The following KRT6B variants were observed in gnomAD, a reference collection of about 807,000 sequenced individuals.
KRT6B encodes keratin, type II cytoskeletal 6B.
A neutral mutation model predicts 44.7 loss-of-function variants in KRT6B; 29 were observed. The ratio of observed to expected loss-of-function variants is 0.65; its 90% CI spans 0.48 to 0.88. KRT6B has a LOEUF of 0.88. Ranked by LOEUF, KRT6B falls within the 40% of genes least tolerant of loss-of-function variation. The probability of loss-of-function intolerance (pLI) is 0.00; values close to 1 mark genes in which losing one functional copy is unlikely to be tolerated. For missense variants in KRT6B, 600 were observed against 724.0 expected, an observed-to-expected ratio of 0.83 and a Z score of 1.97; for synonymous variants, 213 against 296.0, an observed-to-expected ratio of 0.72 and a Z score of 2.88.
chr12:52,451,928 A>T lies in KRT6B; in HGVS notation c.151T>A (p.Cys51Ser). The change falls in exon 1 of 9, where the codon TGT becomes AGT. Residue 51 changes from cysteine to serine, a missense_variant. Transcript: ENST00000252252. Reference protein sequence around the residue: ...SRGSGGLGGACGGAGFGSRSL... With the variant: ...SRGSGGLGGASGGAGFGSRSL... The stretch of plus-strand genomic sequence containing the variant: ...CGGCTGCCAAAGCCAGCTCCTCCAC[A>T]TGCGCCACCCAGGCCACCACTGCCC... 2 of 1,613,094 alleles carry T rather than the reference A, an allele frequency of 1.2e-6. No individual in the cohort carries two copies. Among genetic ancestry groups the T allele is most frequent in the Non-Finnish European group, 1.7e-6 (2 of 1,179,974 alleles).
At position 52,448,889 on chromosome 12, in the gene KRT6B, G is replaced by C; in HGVS notation, c.1156C>G (p.Arg386Gly). The C allele has an allele frequency of 1.2e-6, 2 of 1,613,956 alleles. No individual in the cohort carries two copies. Among genetic ancestry groups the C allele is most frequent in the Non-Finnish European group, 1.7e-6 (2 of 1,180,016 alleles). Reference sequence around the variant, plus strand: ...TCAGATCTCAGCCTCTGGATCATGCGGTTGATCTCAGCAATCTCCTGCTTG... The same window carrying C: ...TCAGATCTCAGCCTCTGGATCATGCCGTTGATCTCAGCAATCTCCTGCTTG... ...NTKQEIAEINRMIQRLRSEID... is the reference protein window; with the variant it reads ...NTKQEIAEINGMIQRLRSEID... The change falls in exon 6 of 9, where the codon CGC becomes GGC. Residue 386 changes from arginine to glycine, a missense_variant. Physicochemically the swap from Arg to Gly is moderately radical, Grantham distance 125. Around this residue, in one of 4 missense-constraint regions of KRT6B, gnomAD observed 479 missense variants for 454.2 expected, o/e 1.05. Coordinates refer to ENST00000252252, the MANE Select transcript of KRT6B (RefSeq NM_005555.4).
Position 52,449,795 on chromosome 12 carries a change from G to A in KRT6B, c.875C>T (p.Thr292Ile), listed in dbSNP as rs1411996932. 9.9e-6 allele frequency: 16 copies of A among 1,613,904 alleles called. No homozygotes were observed. The highest frequency in any genetic ancestry group is 6.7e-5 in the Admixed American group (4 of 59,998). ...GGCTCTCAGGAAGTTGATCTCATCTGTAAGAGTGTCTGCCTTGGCTTGCAG... is the reference window on the plus strand; with the variant it reads ...GGCTCTCAGGAAGTTGATCTCATCTATAAGAGTGTCTGCCTTGGCTTGCAG... ...VELQAKADTL[T>I]DEINFLRALY... The change falls in exon 4 of 9, where the codon ACA becomes ATA. Residue 292 changes from threonine (T) to isoleucine (I), a missense_variant. Coordinates refer to ENST00000252252, the MANE Select transcript of KRT6B (RefSeq NM_005555.4).
intron 5 of KRT6B, 60 bp downstream of exon 5, chr12:52,449,409 T>C (rs917279294): frequency 6.2e-7 from 1 of 1,613,116 alleles, no homozygotes; most frequent in South Asian, 1.1e-5. Context: ...AAGTCTGCAG[T>C]CCTCTGGTAT....
At chr12:52,450,232 T>C (rs4024141) in intron 2 of KRT6B, among the ~76,000 whole-genome samples, 160 bp from the exon 3 acceptor site, 42,527 of 130,300 alleles carry the variant, frequency 0.33, 6,953 homozygotes, top group East Asian at 0.55. Context: ...AAATTTGCCA[T>C]TTCTTTAATC....
At chr12:52,448,704 T>G in intron 6 of KRT6B, 138 bp downstream of exon 6, 16 of 1,418,094 alleles carry the variant, frequency 1.1e-5, no homozygotes, top group Non-Finnish European at 1.5e-5. Flanking sequence ...GTGTTCTCAC[T>G]GAGCCTAGGA....
intron 7 of KRT6B, 89 bp downstream of exon 7, chr12:52,447,689 G>A: frequency 1.2e-6 from 2 of 1,613,872 alleles, no homozygotes; most frequent in South Asian, 2.2e-5. Context: ...AGCAATTATG[G>A]CCTTGGGCAG....
rs1940400202 is a variant in KRT6B at position 52,451,387 on chromosome 12, T to C, written c.540+152A>G. The C allele has an allele frequency of 3.3e-6, 4 of 1,211,362 alleles. No homozygotes were observed. In the East Asian group the frequency reaches 9.4e-5, roughly 29 times the overall value. 75.0% of individuals were successfully genotyped at this position (1,211,362 alleles called of 1,614,324 possible). A position where few individuals can be genotyped will look rare whatever the true frequency, so the allele number is the denominator to read the frequency against. ...ATGGGGGAGTGATGCCCATCTGTGCTGCCTCCTGTGCACCGAGAGCCACCT... is the reference window on the plus strand; with the variant it reads ...ATGGGGGAGTGATGCCCATCTGTGCCGCCTCCTGTGCACCGAGAGCCACCT... On this transcript the variant is annotated intron_variant, in intron 1 of 8. Coordinates refer to ENST00000252252, the MANE Select transcript of KRT6B (RefSeq NM_005555.4).
In KRT6B at chr12:52,451,904, G is replaced by T. The variant is rs370887221; in HGVS notation, c.175C>A (p.Arg59Ser). ...GACGGAGFGS[R>S]SLYGLGGSKR... is the part of the protein sequence containing the mutation. ...GAGCCCCCCAGGCCATACAGACTGC[G>T]GCTGCCAAAGCCAGCTCCTCCACAT... The change falls in exon 1 of 9, where the codon CGC (arginine) becomes AGC (serine). Residue 59 changes from arginine to serine, a missense_variant. Coordinates refer to ENST00000252252, the MANE Select transcript of KRT6B (RefSeq NM_005555.4). 4.3e-6 allele frequency: 7 copies of T among 1,612,530 alleles called. No individual in the cohort carries two copies. The highest frequency in any genetic ancestry group is 2.2e-5 in the South Asian group (2 of 91,008).
chr12:52,449,683 G>A lies in KRT6B; in HGVS notation c.913-50C>T, dbSNP rs1454996069. ...CAACTTCACTTCTGACATTTACAGA[G>A]ATGCCCAGCCCTGTACATCTTCTCC... On this transcript the variant is annotated intron_variant, in intron 4 of 8. Coordinates refer to ENST00000252252, the MANE Select transcript of KRT6B (RefSeq NM_005555.4). 3 of 1,614,086 alleles carry A rather than the reference G, an allele frequency of 1.9e-6. No homozygotes were observed. The Admixed American group carries it at 5.0e-5, about 27-fold the overall frequency.
At position 52,447,999 on chromosome 12, in the gene KRT6B, C is replaced by G; in HGVS notation, c.1204-1G>C. The G allele has an allele frequency of 6.2e-7, 1 of 1,614,128 alleles. No homozygotes were observed. The highest frequency in any genetic ancestry group is 8.5e-7 in the Non-Finnish European group (1 of 1,180,002). On this transcript the variant is annotated splice_acceptor_variant, in intron 6 of 8. Coordinates refer to ENST00000252252, the MANE Select transcript of KRT6B (RefSeq NM_005555.4). LOFTEE classifies it high-confidence loss of function. The stretch of plus-strand genomic sequence containing the variant: ...CAATGGCGGCCTGTAGGTTGGCACA[C>G]TAGGAGGGCAAAGGAAGAGAAAGAA...
At position 52,450,611 on chromosome 12, in the gene KRT6B, G is replaced by A. The variant is rs779322800; in HGVS notation, c.550C>T (p.Leu184=). Reference sequence around the variant, plus strand: ...TCCAGAACCTTGTTCTGCTGCTCTAGGAACCGCACCTGGAGGGGAAGCAAA... The same window carrying A: ...TCCAGAACCTTGTTCTGCTGCTCTAAGAACCGCACCTGGAGGGGAAGCAAA... ...FASFIDKVRF[L]EQQNKVLDTK... is the part of the protein sequence containing the mutation. Residue 184 remains leucine, a synonymous_variant, in exon 2 of 9, where the codon CTA becomes TTA. Coordinates refer to ENST00000252252, the MANE Select transcript of KRT6B (RefSeq NM_005555.4). The A allele has an allele frequency of 7.0e-5, 113 of 1,614,014 alleles. No individual in the cohort carries two copies. Among genetic ancestry groups the A allele is most frequent in the Non-Finnish European group, 9.0e-5 (106 of 1,179,990 alleles).
rs1375921291 is a variant in KRT6B at position 52,446,791 on chromosome 12, C to G, written c.*399G>C. On this transcript the variant is annotated 3_prime_UTR_variant, in exon 9 of 9. Transcript: ENST00000252252. Reference sequence around the variant, plus strand: ...TGCAAGAGAAGATCAGGACAACTGACTTGTCAGATGAGAACTCCTGAGTGT... The same window carrying G: ...TGCAAGAGAAGATCAGGACAACTGAGTTGTCAGATGAGAACTCCTGAGTGT... 2 of 270,312 alleles carry G rather than the reference C, an allele frequency of 7.4e-6. No homozygotes were observed. Among genetic ancestry groups the G allele is most frequent in the African/African-American group, 4.4e-5 (2 of 45,834 alleles). 16.7% of individuals were successfully genotyped at this position (270,312 alleles called of 1,614,324 possible).
rs375618757 is a variant in KRT6B at position 52,449,461 on chromosome 12, G to A, written c.1077+8C>T. The stretch of plus-strand genomic sequence containing the variant: ...GGATTCCTCAGCGGCTGTCCACTCC[G>A]TGCTCACCTTTGTCTGGTACCAGGA... On this transcript the variant is annotated splice_region_variant and intron_variant, in intron 5 of 8. Transcript: ENST00000252252. 4.0e-5 allele frequency: 65 copies of A among 1,614,156 alleles called. No individual in the cohort carries two copies. Among genetic ancestry groups the A allele is most frequent in the East Asian group, 2.9e-4 (13 of 44,876 alleles).
At chr12:52,449,022 G>A (rs1940355847) in intron 5 of KRT6B, 55 bp from the exon 6 acceptor site, 52 of 1,587,822 alleles carry the variant, frequency 3.3e-5, no homozygotes, top group Non-Finnish European at 3.9e-5. Context: ...ACCTGGGAGC[G>A]ATGACTTTCA....
intron 6 of KRT6B, 133 bp from the exon 7 acceptor site, chr12:52,448,131 T>C (rs2121514107): frequency 1.7e-6 from 2 of 1,209,508 alleles, no homozygotes; most frequent in Admixed American, 2.0e-5. Context: ...ACTCTTCCTG[T>C]CTAGCCTTTT....
Position 52,450,436 on chromosome 12 carries a change from A to G in KRT6B, c.725T>C (p.Met242Thr). 3 of 1,614,192 alleles carry G rather than the reference A, an allele frequency of 1.9e-6. No homozygotes were observed. Among genetic ancestry groups the G allele is most frequent in the Non-Finnish European group, 2.5e-6 (3 of 1,180,044 alleles). ...RGRLDSELRN[M>T]QDLVEDLKNK... ...CTTGAGGTCCTCCACCAGGTCCTGC[A>G]TGTTTCTCAGCTCCGAGTCCAGACG... The change falls in exon 2 of 9, where the codon ATG (methionine) becomes ACG (threonine). Residue 242 changes from methionine to threonine, a missense_variant. Transcript: ENST00000252252.
Position 52,447,380 on chromosome 12 carries a change from C to T in KRT6B, c.1505G>A (p.Gly502Asp), listed in dbSNP as rs1386858348. Residue 502 changes from glycine (G) to aspartate (D), a missense_variant, in exon 9 of 9, where the codon GGT becomes GAT. By Grantham distance (94) the Gly-to-Asp change is moderately conservative. Transcript: ENST00000252252. ...ACCCAGGCCTAAGCCACTGCCGACA[C>T]CGCTGGCACCGCCATAGCCACTGGA... is the stretch of plus-strand genomic sequence containing the variant. ...TVSSGYGGAS[G>D]VGSGLGLGGG... 1 of 1,613,914 alleles carries T rather than the reference C, an allele frequency of 6.2e-7. No homozygotes were observed. The highest frequency in any genetic ancestry group is 1.7e-5 in the Admixed American group (1 of 60,024).
intron 6 of KRT6B, 65 bp from the exon 7 acceptor site, chr12:52,448,063 G>T (rs1291772757): frequency 8.1e-6 from 13 of 1,607,154 alleles, no homozygotes; most frequent in Non-Finnish European, 1.1e-5. Context: ...AAACCTGGCT[G>T]GTTCTTTTCC....
rs11170126 is a variant in KRT6B, at chr12:52,450,526, G to A, written c.635C>T (p.Pro212Leu). ...GTKTVRQNLE[P>L]LFEQYINNLR... is the part of the protein sequence containing the mutation. Reference sequence around the variant, plus strand: ...GTTGTTGATGTACTGCTCGAACAACGGCTCCAGGTTCTGCCTCACAGTCTT... The same window carrying A: ...GTTGTTGATGTACTGCTCGAACAACAGCTCCAGGTTCTGCCTCACAGTCTT... Residue 212 changes from proline (P) to leucine (L), a missense_variant, in exon 2 of 9, where the codon CCG becomes CTG. Around this residue, in one of 4 missense-constraint regions of KRT6B, gnomAD observed 479 missense variants for 454.2 expected, o/e 1.05. Transcript: ENST00000252252. 1.9e-4 allele frequency: 312 copies of A among 1,613,952 alleles called. No individual in the cohort carries two copies. In the East Asian group the frequency reaches 2.9e-3, roughly 15 times the overall value.
Sources: gnomAD v4.1 joint callset for allele counts (sites outside exome capture counted in the v4.1 genomes callset) on GRCh38, gnomAD v4.1.1 for gene constraint, gnomAD v4.1.1 regional missense constraint, MANE v1.5 for transcripts, NCBI Gene and HGNC (gene_info 2026-07-23, HGNC 2026-07-21) for gene names.